Variants in TBC1D23 observed in about 807,000 individuals in gnomAD.
The protein encoded by TBC1D23 is TBC1 domain family member 23.
In TBC1D23, 55 loss-of-function variants were observed where a neutral mutation model predicts 91.4. The ratio of observed to expected loss-of-function variants is 0.60; its 90% CI spans 0.48 to 0.75. The LOEUF (loss-of-function observed/expected upper bound fraction) is 0.75, where lower values mean the gene tolerates loss of function less well. TBC1D23 is among the 30% of genes least tolerant of loss of function. TBC1D23 has a pLI of 0.00. For missense variants in TBC1D23, 725 were observed against 836.1 expected (o/e 0.87, Z 1.64); for synonymous variants, 289 against 281.0 (o/e 1.03, Z -0.28).
intron 1 of TBC1D23, among the ~76,000 whole-genome samples, chr3:100,268,545 T>A (rs2067575678): frequency 6.6e-6 from 1 of 152,224 alleles, no homozygotes; most frequent in South Asian, 2.1e-4. Flanking sequence ...AAATGATAGT[T>A]TCAAGACAAG....
intron 13 of TBC1D23, among the ~76,000 whole-genome samples, chr3:100,309,278 G>T (rs1238417029): frequency 6.6e-6 from 1 of 152,204 alleles, no homozygotes; most frequent in Non-Finnish European, 1.5e-5. Flanking sequence ...AAGTGGCAAT[G>T]TCTTTAAAAA....
At chr3:100,274,015 T>A (rs2067624761) in intron 1 of TBC1D23, among the ~76,000 whole-genome samples, 1 of 152,212 alleles carries the variant, frequency 6.6e-6, no homozygotes, top group Non-Finnish European at 1.5e-5. Flanking sequence ...AATACACACA[T>A]GAGAAACTGA....
chr3:100,309,643 G>A (rs1349968789), intron 13 of TBC1D23, among the ~76,000 whole-genome samples: 10 of 123,040 alleles, frequency 8.1e-5, no homozygotes, highest in South Asian at 7.9e-4. Flanking sequence ...ACAGCGTCTC[G>A]CTCTGTCGCG....
At chr3:100,299,497 A>G (rs559644938) in intron 10 of TBC1D23, among the ~76,000 whole-genome samples, 166 bp downstream of exon 10, 4 of 151,630 alleles carry the variant, frequency 2.6e-5, no homozygotes, top group Non-Finnish European at 4.4e-5. Context: ...TCACCCAAAT[A>G]CCCTTTTGTG....
intron 15 of TBC1D23, among the ~76,000 whole-genome samples, chr3:100,314,091 A>ATTTTTTTTTTTTTTTTTTTTT (rs71299383): frequency 1.1e-5 from 1 of 94,576 alleles, no homozygotes; most frequent in Non-Finnish European, 2.0e-5. Context: ...AGGCTACAAA[A>ATTTTTTTTTTTTTTTTTTTTT]TTTTTTTTTT....
At chr3:100,263,631 C>T (rs2067533279) in intron 1 of TBC1D23, among the ~76,000 whole-genome samples, 1 of 152,158 alleles carries the variant, frequency 6.6e-6, no homozygotes, top group Non-Finnish European at 1.5e-5. Flanking sequence ...AAGTTTTTAA[C>T]TAATTAAATG....
At chr3:100,322,119 A>C (rs1705868523) in intron 18 of TBC1D23, among the ~76,000 whole-genome samples, 1 of 151,944 alleles carries the variant, frequency 6.6e-6, no homozygotes, top group African/African-American at 2.4e-5. Flanking sequence ...TTTTTTTGAG[A>C]CGGAGTCTCT....
At chr3:100,311,342 C>T (rs1471329989) in intron 14 of TBC1D23, among the ~76,000 whole-genome samples, 3 of 152,108 alleles carry the variant, frequency 2.0e-5, no homozygotes, top group Non-Finnish European at 4.4e-5. Flanking sequence ...AGTATATATG[C>T]ATACAAAAGC....
chr3:100,305,247 T>C (rs1472409654), intron 12 of TBC1D23, among the ~76,000 whole-genome samples: 2 of 152,136 alleles, frequency 1.3e-5, no homozygotes, highest in African/African-American at 4.8e-5. Context: ...CTTTGGACTC[T>C]TTAGGTGTTT....
intron 5 of TBC1D23, 36 bp from the exon 6 acceptor site, chr3:100,295,051 G>A (rs1359347328): frequency 1.3e-6 from 2 of 1,532,304 alleles, no homozygotes; most frequent in Non-Finnish European, 1.7e-6. Context: ...GTCACCTCCA[G>A]TGGTTTATGT....
intron 1 of TBC1D23, among the ~76,000 whole-genome samples, chr3:100,275,871 A>G (rs1280576954): frequency 1.3e-5 from 2 of 152,218 alleles, no homozygotes; most frequent in Non-Finnish European, 2.9e-5. Context: ...TTATGGATAG[A>G]TGTTGAAATG....
At chr3:100,295,588 A>G (rs1462822390) in intron 7 of TBC1D23, among the ~76,000 whole-genome samples, 1 of 152,020 alleles carries the variant, frequency 6.6e-6, no homozygotes, top group Admixed American at 6.5e-5. Flanking sequence ...ATACTATTTC[A>G]TTAGTTTCAC....
At chr3:100,315,350 C>T (rs959767885) in intron 15 of TBC1D23, among the ~76,000 whole-genome samples, 2 of 151,812 alleles carry the variant, frequency 1.3e-5, no homozygotes, top group Admixed American at 6.6e-5. Context: ...TTAGTAGAGA[C>T]GGAGTTTCTC....
chr3:100,295,251 C>T (rs1224443484), intron 6 of TBC1D23, 40 bp downstream of exon 6: 1 of 1,597,262 alleles, frequency 6.3e-7, no homozygotes, highest in Non-Finnish European at 8.5e-7. Flanking sequence ...CCTCTTTTCT[C>T]AGGGTGCTCT....
chr3:100,272,954 C>A (rs904736761), intron 1 of TBC1D23, among the ~76,000 whole-genome samples: 1 of 152,136 alleles, frequency 6.6e-6, no homozygotes, highest in African/African-American at 2.4e-5. Flanking sequence ...TGCCCAGGGA[C>A]GGGCAGGAGA....
At chr3:100,297,416 A>G (rs1705319796) in intron 8 of TBC1D23, among the ~76,000 whole-genome samples, 1 of 152,224 alleles carries the variant, frequency 6.6e-6, no homozygotes, top group South Asian at 2.1e-4. Context: ...ACAATGCTGT[A>G]TAAGTCAGAT....
intron 5 of TBC1D23, among the ~76,000 whole-genome samples, chr3:100,291,147 G>GTA (rs1162812956): frequency 6.6e-6 from 1 of 152,152 alleles, no homozygotes; most frequent in Non-Finnish European, 1.5e-5. Context: ...AGAATATAAA[G>GTA]TATAACGCTG....
rs371845412 is a variant in TBC1D23 at position 100,304,855 on chromosome 3, G to A, written c.1273G>A (p.Glu425Lys). 56 of 1,493,260 alleles carry A rather than the reference G, an allele frequency of 3.8e-5. No homozygotes were observed. The Admixed American group carries it at 4.6e-4, about 12-fold the overall frequency. The allele number at this position is 1,493,260 out of a possible 1,614,324, so 92.5% of individuals were successfully genotyped here. Residue 425 changes from glutamate to lysine, a missense_variant, in exon 12 of 19, where the codon GAA (glutamate) becomes AAA (lysine). Physicochemically the swap from Glu to Lys is moderately conservative, Grantham distance 56 (BLOSUM62 1). Transcript: ENST00000394144. ...VLAHFLQKNKEYVSIASGGFM... is the reference protein window; with the variant it reads ...VLAHFLQKNKKYVSIASGGFM... ...TTCTTTTCCATTACAGAAAAACAAA[G>A]AATATGTGAGTATTGCCAGTGGAGG...
chr3:100,306,697 A>C (rs1576180649), intron 13 of TBC1D23, among the ~76,000 whole-genome samples, 154 bp downstream of exon 13: 1 of 152,228 alleles, frequency 6.6e-6, no homozygotes, highest in African/African-American at 2.4e-5. Context: ...GAGATGATAC[A>C]GCAAGCCATT....
Sources: allele counts gnomAD v4.1 joint callset (sites outside exome capture counted in the v4.1 genomes callset), GRCh38; gene constraint gnomAD v4.1.1; transcripts MANE v1.5; gene names NCBI Gene and HGNC (gene_info 2026-07-23, HGNC 2026-07-21).